The following MPZL3 variants were observed in gnomAD, a reference collection of about 807,000 sequenced individuals.
The protein encoded by MPZL3 is myelin protein zero-like protein 3.
Under a neutral mutation model 24.8 loss-of-function variants are expected in MPZL3, and 23 were observed. That is an observed-to-expected ratio of 0.93 (90% CI 0.67 to 1.31). The LOEUF is 1.31. Among genes scored for constraint, MPZL3 ranks in the 40% most tolerant of loss-of-function variants. MPZL3 has a pLI of 0.00. For synonymous variants in MPZL3, 99 were observed against 106.5 expected (o/e 0.93, Z 0.44); for missense variants, 277 against 294.9 (o/e 0.94, Z 0.44).
chr11:118,233,500 G>A lies in MPZL3; in HGVS notation c.641C>T (p.Ala214Val), dbSNP rs781669736. The change falls in exon 5 of 6, where the codon GCG becomes GTG. Residue 214 changes from alanine (A) to valine (V), a missense_variant. Transcript: ENST00000278949. ...ACGGACACAAAGCCTCGCCATACAC[G>A]CCTCTTCCTCCTCCTGATCAGTGCT... ...SDDTDQEEEE[A>V]CMARLCVRCA... is the part of the protein sequence containing the mutation. 36 of 1,613,576 alleles carry A rather than the reference G, an allele frequency of 2.2e-5. No individual in the cohort carries two copies. The highest frequency in any genetic ancestry group is 2.7e-5 in the Non-Finnish European group (32 of 1,179,862).
At chr11:118,251,577 T>G (rs1283302433) in intron 1 of MPZL3, among the ~76,000 whole-genome samples, 1 of 152,192 alleles carries the variant, frequency 6.6e-6, no homozygotes, top group Non-Finnish European at 1.5e-5. Context: ...TTTTAAGATG[T>G]GAATGTCAGT....
In MPZL3 at chr11:118,228,525, A is replaced by G. The variant is rs1007526919; in HGVS notation, c.*1369T>C. ...AATCCTATGTAAATTAACATTTGAA[A>G]CAAGTTGTCATAGCAGAATGGAGTA... On this transcript the variant is annotated 3_prime_UTR_variant, in exon 6 of 6. Coordinates refer to ENST00000278949, the MANE Select transcript of MPZL3 (RefSeq NM_198275.3). 35 of 152,248 alleles carry G rather than the reference A, an allele frequency of 2.3e-4. No individual in the cohort carries two copies. Among genetic ancestry groups the G allele is most frequent in the African/African-American group, 8.0e-4 (33 of 41,466 alleles). 9.4% of individuals were successfully genotyped at this position (152,248 alleles called of 1,614,324 possible).
At chr11:118,245,296 C>T (rs564640275) in intron 1 of MPZL3, among the ~76,000 whole-genome samples, 14 of 152,170 alleles carry the variant, frequency 9.2e-5, no homozygotes, top group African/African-American at 2.6e-4. Flanking sequence ...GAGCCAAGAT[C>T]GCACCACTGC....
At chr11:118,242,453 T>C (rs1266158626) in intron 1 of MPZL3, among the ~76,000 whole-genome samples, 1 of 152,224 alleles carries the variant, frequency 6.6e-6, no homozygotes, top group Non-Finnish European at 1.5e-5. Context: ...TTTCAGTAAT[T>C]TCCTATTGGA....
In MPZL3 at chr11:118,231,464, G is replaced by A. The variant is rs183381095; in HGVS notation, c.682-1544C>T. ...CTACATTCATTTCCCTGGAGGAAATGTCTGTTATCAGTCTCTATCTGCTAA... is the reference window on the plus strand; with the variant it reads ...CTACATTCATTTCCCTGGAGGAAATATCTGTTATCAGTCTCTATCTGCTAA... On this transcript the variant is annotated intron_variant, in intron 5 of 5. Coordinates refer to ENST00000278949, the MANE Select transcript of MPZL3 (RefSeq NM_198275.3). 1.5e-4 allele frequency among the ~76,000 whole-genome samples: 18 copies of A among 123,194 alleles called. No individual in the cohort carries two copies. The East Asian group carries it at 3.6e-3, about 24-fold the overall frequency. The allele number at this position is 123,194 out of a possible 152,430, so 80.8% of individuals were successfully genotyped here.
rs967143485 is a variant in MPZL3, at chr11:118,228,355, G to A, written c.*1539C>T. 3.3e-5 allele frequency: 5 copies of A among 152,206 alleles called. No homozygotes were observed. Among genetic ancestry groups the A allele is most frequent in the Non-Finnish European group, 7.3e-5 (5 of 68,042 alleles). The allele number at this position is 152,206 out of a possible 1,614,324, so 9.4% of individuals were successfully genotyped here. On this transcript the variant is annotated 3_prime_UTR_variant, in exon 6 of 6. Coordinates refer to ENST00000278949, the MANE Select transcript of MPZL3 (RefSeq NM_198275.3). ...AAAAATCATGAAAAGGGATCAACCT[G>A]TTGAAAGAATAGAGACAGGTGAGGG...
chr11:118,226,705 A>T lies in MPZL3; in HGVS notation c.*3189T>A, dbSNP rs772467294. On this transcript the variant is annotated 3_prime_UTR_variant, in exon 6 of 6. Coordinates refer to ENST00000278949, the MANE Select transcript of MPZL3 (RefSeq NM_198275.3). ...CACCAAAAGGTAGCCAAAGGGTACA[A>T]AGAAGTTTATTGACTATGATGCAGT... The T allele has an allele frequency of 1.3e-5, 2 of 152,230 alleles. No homozygotes were observed. The highest frequency in any genetic ancestry group is 2.9e-5 in the Non-Finnish European group (2 of 68,036). 9.4% of individuals were successfully genotyped at this position (152,230 alleles called of 1,614,324 possible). A position where few individuals can be genotyped will look rare whatever the true frequency, so the allele number is the denominator to read the frequency against.
Position 118,252,111 on chromosome 11 carries a change from C to T in MPZL3, c.73+111G>A, listed in dbSNP as rs1949626130. 9.4e-6 allele frequency: 10 copies of T among 1,060,754 alleles called. No individual in the cohort carries two copies. The Admixed American group carries it at 1.2e-4, about 13-fold the overall frequency. 65.7% of individuals were successfully genotyped at this position (1,060,754 alleles called of 1,614,324 possible). Reference sequence around the variant, plus strand: ...CGTCCCGCTCCCTCCCTCCTTCCTTCCCAGAGCTATGCGGGGGCTTTCTGG... The same window carrying T: ...CGTCCCGCTCCCTCCCTCCTTCCTTTCCAGAGCTATGCGGGGGCTTTCTGG... On this transcript the variant is annotated intron_variant, in intron 1 of 5. Transcript: ENST00000278949.
chr11:118,237,813 T>G (rs565464648), intron 2 of MPZL3, among the ~76,000 whole-genome samples: 37 of 152,118 alleles, frequency 2.4e-4, no homozygotes, highest in Non-Finnish European at 4.0e-4. Flanking sequence ...CTGAACTACA[T>G]GAGGCAGGTA....
Position 118,229,060 on chromosome 11 carries a change from G to A in MPZL3, c.*834C>T, listed in dbSNP as rs1416910995. The A allele has an allele frequency of 6.8e-6, 1 of 146,374 alleles. No individual in the cohort carries two copies. Among genetic ancestry groups the A allele is most frequent in the African/African-American group, 2.6e-5 (1 of 38,044 alleles). The allele number at this position is 146,374 out of a possible 1,614,324, so 9.1% of individuals were successfully genotyped here. On this transcript the variant is annotated 3_prime_UTR_variant, in exon 6 of 6. Coordinates refer to ENST00000278949, the MANE Select transcript of MPZL3 (RefSeq NM_198275.3). ...AAGAATCGCTTGAACCCAGGAGGCA[G>A]AGGTTGCAGTGAGCCAAGATCACAC...
chr11:118,251,336 A>AGC (rs71469985), intron 1 of MPZL3, among the ~76,000 whole-genome samples: 2 of 151,986 alleles, frequency 1.3e-5, no homozygotes, highest in Admixed American at 1.3e-4. Context: ...TTTATATTAA[A>AGC]CTATTTATAT....
At chr11:118,246,589 T>TC (rs1012821431) in intron 1 of MPZL3, among the ~76,000 whole-genome samples, 4 of 145,602 alleles carry the variant, frequency 2.7e-5, no homozygotes, top group South Asian at 4.4e-4. Flanking sequence ...TCTTTTCTTT[T>TC]TTTTTTTTTT....
intron 1 of MPZL3, among the ~76,000 whole-genome samples, chr11:118,250,929 T>C (rs1201604291): frequency 1.3e-5 from 2 of 152,146 alleles, no homozygotes; most frequent in East Asian, 3.8e-4. Context: ...CACAAGTACA[T>C]AGAGATTGTA....
At chr11:118,245,295 T>C (rs1042794071) in intron 1 of MPZL3, among the ~76,000 whole-genome samples, 1 of 152,078 alleles carries the variant, frequency 6.6e-6, no homozygotes, top group African/African-American at 2.4e-5. Flanking sequence ...TGAGCCAAGA[T>C]CGCACCACTG....
chr11:118,230,067 C>T lies in MPZL3; in HGVS notation c.682-147G>A, dbSNP rs1011105781. 158 of 641,584 alleles carry T rather than the reference C, an allele frequency of 2.5e-4. 1 individual carries two copies. Among genetic ancestry groups the T allele is most frequent in the South Asian group, 2.5e-4 (12 of 48,868 alleles). 39.7% of individuals were successfully genotyped at this position (641,584 alleles called of 1,614,324 possible). On this transcript the variant is annotated intron_variant, in intron 5 of 5. Transcript: ENST00000278949. Reference sequence around the variant, plus strand: ...CTGACTCAATACACCTAAATTCCCACGGAGCTTCACAGGACCTCAATATAA... The same window carrying T: ...CTGACTCAATACACCTAAATTCCCATGGAGCTTCACAGGACCTCAATATAA...
rs1483664291 is a variant in MPZL3, at chr11:118,251,639, GCT to G, written c.73+581_73+582del. ...TAATAAATTTTAACAGAATTTATAT[GCT>G]CTTTCTTGTATTAAAAAAAGTTATG... On this transcript the variant is annotated intron_variant, in intron 1 of 5. Transcript: ENST00000278949. Among the ~76,000 whole-genome samples, 12 of 152,208 alleles carry G rather than the reference GCT, an allele frequency of 7.9e-5. 1 individual carries two copies. The South Asian group carries it at 2.5e-3, about 32-fold the overall frequency.
intron 1 of MPZL3, among the ~76,000 whole-genome samples, chr11:118,245,081 A>C (rs905653748): frequency 6.7e-6 from 1 of 149,302 alleles, no homozygotes; most frequent in Non-Finnish European, 1.5e-5. Context: ...ATCTCAAAAA[A>C]AGAAGAAAAA....
At chr11:118,235,364 G>A in intron 4 of MPZL3, 60 bp downstream of exon 4, 1 of 1,570,916 alleles carries the variant, frequency 6.4e-7, no homozygotes, top group Non-Finnish European at 8.7e-7. Context: ...GGATGTGGGG[G>A]TCTGGGTAGA....
intron 1 of MPZL3, among the ~76,000 whole-genome samples, chr11:118,244,721 C>A (rs1414818988): frequency 6.6e-6 from 1 of 152,160 alleles, no homozygotes; most frequent in African/African-American, 2.4e-5. Flanking sequence ...AATAGGAAGC[C>A]ATGGAAAGTA....
Sources: gnomAD v4.1 joint callset for allele counts (sites outside exome capture counted in the v4.1 genomes callset) on GRCh38, gnomAD v4.1.1 for gene constraint, MANE v1.5 for transcripts, NCBI Gene and HGNC (gene_info 2026-07-23, HGNC 2026-07-21) for gene names.